Variants in JPH3 observed in about 807,000 individuals in gnomAD.
The protein encoded by JPH3 is junctophilin-3.
A neutral mutation model predicts 59.6 loss-of-function variants in JPH3; 11 were observed. The observed-to-expected ratio is 0.18, with a 90% CI of 0.12 to 0.31. JPH3 has a LOEUF of 0.31. Among genes scored for constraint, JPH3 ranks in the 10% least tolerant of loss-of-function variants. The pLI, the probability that JPH3 is intolerant of heterozygous loss-of-function variation, is 1.00. For synonymous variants in JPH3, 673 were observed against 483.6 expected (o/e 1.39, Z -5.14); for missense variants, 1,202 against 1,105.7 (o/e 1.09, Z -1.24).
intron 1 of JPH3, among the ~76,000 whole-genome samples, chr16:87,627,658 A>T: frequency 6.9e-6 from 1 of 144,326 alleles, no homozygotes; most frequent in East Asian, 1.9e-4. Flanking sequence ...CTTGGAGGGA[A>T]TGATTTTTTA....
At chr16:87,680,566 G>C (rs1384730574) in intron 2 of JPH3, among the ~76,000 whole-genome samples, 1 of 152,244 alleles carries the variant, frequency 6.6e-6, no homozygotes, top group Non-Finnish European at 1.5e-5. Flanking sequence ...TCTGTAACGT[G>C]ACTAGGTGGA....
At chr16:87,648,804 C>A (rs1180680818) in intron 2 of JPH3, among the ~76,000 whole-genome samples, 1 of 152,138 alleles carries the variant, frequency 6.6e-6, no homozygotes, top group Non-Finnish European at 1.5e-5. Context: ...TCTCCAGGTG[C>A]CTGGAGGGCT....
chr16:87,689,872 G>T lies in JPH3; in HGVS notation c.1512G>T (p.Gln504His). Residue 504 changes from glutamine (Q) to histidine (H), a missense_variant, in exon 4 of 5, where the codon CAG (glutamine) becomes CAT (histidine). Physicochemically the swap from Gln to His is conservative, Grantham distance 24 (BLOSUM62 0). Coordinates refer to ENST00000284262, the MANE Select transcript of JPH3 (RefSeq NM_020655.4). ...ARNKVAHFSR[Q>H]VSVDEERGGD... ...ACAAGGTCGCCCACTTCTCGAGGCA[G>T]GTGTCGGTGGACGAGGAGCGGGGCG... is the stretch of plus-strand genomic sequence containing the variant. 1.3e-6 allele frequency: 2 copies of T among 1,492,338 alleles called. No homozygotes were observed. Among genetic ancestry groups the T allele is most frequent in the Non-Finnish European group, 1.8e-6 (2 of 1,120,670 alleles). The allele number at this position is 1,492,338 out of a possible 1,614,324, so 92.4% of individuals were successfully genotyped here. A position where few individuals can be genotyped will look rare whatever the true frequency, so the allele number is the denominator to read the frequency against.
chr16:87,602,204 T>A (rs1346451980), upstream of JPH3: 1 of 151,318 alleles, frequency 6.6e-6, no homozygotes. Flanking sequence ...CGCCTTCCCA[T>A]GACGCAGTTC....
chr16:87,679,715 C>T (rs1038837491), intron 2 of JPH3, among the ~76,000 whole-genome samples: 7 of 152,230 alleles, frequency 4.6e-5, no homozygotes, highest in Admixed American at 1.3e-4. Context: ...TGCTCCTGGG[C>T]CAGGGCCCAC....
chr16:87,621,528 G>A (rs1282360886), intron 1 of JPH3, among the ~76,000 whole-genome samples: 1 of 152,182 alleles, frequency 6.6e-6, no homozygotes, highest in Non-Finnish European at 1.5e-5. Context: ...CAGGCCCCAG[G>A]GCTTCCCCTC....
chr16:87,623,014 C>T (rs940987192), intron 1 of JPH3, among the ~76,000 whole-genome samples: 19 of 152,068 alleles, frequency 1.2e-4, no homozygotes, highest in Non-Finnish European at 2.2e-4. Flanking sequence ...TGGTGGAGGT[C>T]GGCTGTGGGC....
At position 87,689,802 on chromosome 16, in the gene JPH3, C is replaced by A; in HGVS notation, c.1442C>A (p.Pro481His). Residue 481 changes from proline (P) to histidine (H), a missense_variant, in exon 4 of 5, where the codon CCC becomes CAC. Transcript: ENST00000284262. The stretch of plus-strand genomic sequence containing the variant: ...GACGACAGCCCCCTGCAGAGCTTCC[C>A]CACCAGCCCCGCGGCCACCCCGCCG... ...TPDDSPLQSF[P>H]TSPAATPPPA... 2 of 1,594,166 alleles carry A rather than the reference C, an allele frequency of 1.3e-6. No homozygotes were observed. Among genetic ancestry groups the A allele is most frequent in the East Asian group, 4.5e-5 (2 of 43,996 alleles).
chr16:87,636,618 C>T (rs776277777), intron 1 of JPH3, among the ~76,000 whole-genome samples: 5 of 152,212 alleles, frequency 3.3e-5, no homozygotes, highest in South Asian at 2.1e-4. Flanking sequence ...CAGGCAGTCA[C>T]GGCAGAACTG....
At chr16:87,632,298 G>A (rs547472889) in intron 1 of JPH3, among the ~76,000 whole-genome samples, 16 of 152,340 alleles carry the variant, frequency 1.1e-4, no homozygotes, top group Non-Finnish European at 1.9e-4. Flanking sequence ...TTCCCTGGCA[G>A]TCCTCCCCCA....
At chr16:87,695,040 C>CT (rs2033759232) in intron 4 of JPH3, 1 of 332,360 alleles carries the variant, frequency 3.0e-6, no homozygotes, top group African/African-American at 2.2e-5. Flanking sequence ...TGAGTGGAGG[C>CT]TTGACTTTGC....
chr16:87,635,383 A>G (rs1028597501), intron 1 of JPH3, among the ~76,000 whole-genome samples: 3 of 152,164 alleles, frequency 2.0e-5, no homozygotes, highest in Non-Finnish European at 2.9e-5. Context: ...AGGAAAAGAA[A>G]CAAGGGTGTG....
intron 1 of JPH3, among the ~76,000 whole-genome samples, chr16:87,622,910 G>A (rs1044977476): frequency 6.6e-6 from 1 of 152,168 alleles, no homozygotes; most frequent in African/African-American, 2.4e-5. Flanking sequence ...GGGTATGAGA[G>A]GGCCCTGGGG....
In JPH3 at chr16:87,690,270, G is replaced by A. The variant is rs752043597; in HGVS notation, c.1910G>A (p.Arg637Gln). ...CGCTACAGCAAGGGCGGCGCCTGCC[G>A]GGGCTTGGGGGACGACCACCGCCCC... is the stretch of plus-strand genomic sequence containing the variant. ...KRRYSKGGAC[R>Q]GLGDDHRPED... Residue 637 changes from arginine to glutamine, a missense_variant, in exon 4 of 5, where the codon CGG becomes CAG. Coordinates refer to ENST00000284262, the MANE Select transcript of JPH3 (RefSeq NM_020655.4). 2.5e-6 allele frequency: 4 copies of A among 1,601,570 alleles called. No individual in the cohort carries two copies. Among genetic ancestry groups the A allele is most frequent in the Non-Finnish European group, 2.6e-6 (3 of 1,174,588 alleles).
At chr16:87,642,939 A>C (rs1340638576) in intron 1 of JPH3, among the ~76,000 whole-genome samples, 1 of 152,216 alleles carries the variant, frequency 6.6e-6, no homozygotes, top group African/African-American at 2.4e-5. Context: ...TAAGTATACA[A>C]TTCAGTGGTA....
chr16:87,661,177 G>A (rs76529303), intron 2 of JPH3, among the ~76,000 whole-genome samples: 4,690 of 152,218 alleles, frequency 0.031, 235 homozygotes, highest in African/African-American at 0.1. Flanking sequence ...CAGAGCCAGC[G>A]GGGCAGCCTC....
intron 1 of JPH3, among the ~76,000 whole-genome samples, chr16:87,629,219 C>G (rs2031483131): frequency 6.6e-6 from 1 of 152,158 alleles, no homozygotes; most frequent in South Asian, 2.1e-4. Flanking sequence ...CAGACCGTGT[C>G]CTTCAGACGC....
chr16:87,687,151 G>A (rs899954287), intron 3 of JPH3, among the ~76,000 whole-genome samples: 7 of 152,176 alleles, frequency 4.6e-5, no homozygotes, highest in African/African-American at 1.7e-4. Context: ...CAGGCACCCC[G>A]GGGCCTTCTC....
At chr16:87,641,952 C>T (rs550855553) in intron 1 of JPH3, among the ~76,000 whole-genome samples, 6 of 152,066 alleles carry the variant, frequency 3.9e-5, no homozygotes, top group African/African-American at 1.2e-4. Context: ...GCTCTGGGCC[C>T]GGGCCCTGGG....
Sources: gnomAD v4.1 joint callset for allele counts (sites outside exome capture counted in the v4.1 genomes callset) on GRCh38, gnomAD v4.1.1 for gene constraint, MANE v1.5 for transcripts, NCBI Gene and HGNC (gene_info 2026-07-23, HGNC 2026-07-21) for gene names.